Variants in PTPRT observed in about 807,000 individuals in gnomAD.
The protein encoded by PTPRT is receptor-type tyrosine-protein phosphatase T.
Under a neutral mutation model 176.8 loss-of-function variants are expected in PTPRT, and 56 were observed. The observed-to-expected ratio is 0.32, with a 90% confidence interval of 0.26 to 0.40. The LOEUF is 0.40. Ranked by LOEUF, PTPRT falls within the 10% of genes least tolerant of loss-of-function variation. The pLI is 1.00. For missense variants in PTPRT, 1,540 were observed against 1,908.2 expected, an observed-to-expected ratio of 0.81 and a Z score of 3.60; for synonymous variants, 783 against 739.0, an observed-to-expected ratio of 1.06 and a Z score of -0.96.
intron 1 of PTPRT, among the ~76,000 whole-genome samples, chr20:43,058,990 C>T (rs1038850076): frequency 4.6e-5 from 7 of 152,028 alleles, no homozygotes; most frequent in Non-Finnish European, 1.0e-4. Context: ...TGTGAGGTGG[C>T]GCCAGGTAGG....
intron 7 of PTPRT, among the ~76,000 whole-genome samples, chr20:42,655,851 G>A (rs1317661634): frequency 1.3e-5 from 2 of 152,202 alleles, no homozygotes; most frequent in Non-Finnish European, 2.9e-5. Context: ...AAACAGGTAG[G>A]AAAAGTAGTC....
At chr20:42,238,883 G>T (rs1015827991) in intron 14 of PTPRT, among the ~76,000 whole-genome samples, 6 of 152,070 alleles carry the variant, frequency 3.9e-5, no homozygotes, top group African/African-American at 1.4e-4. Flanking sequence ...ACAGCCCTGA[G>T]TCCCAGTTTC....
intron 6 of PTPRT, among the ~76,000 whole-genome samples, chr20:42,752,969 G>C (rs1337474974): frequency 2.0e-5 from 3 of 152,142 alleles, no homozygotes; most frequent in Non-Finnish European, 4.4e-5. Flanking sequence ...CTTTAGCAGT[G>C]TGTTTGGGGT....
chr20:42,420,022 G>A (rs1401197079), intron 9 of PTPRT, among the ~76,000 whole-genome samples: 1 of 152,142 alleles, frequency 6.6e-6, no homozygotes, highest in South Asian at 2.1e-4. Context: ...CTTCGGAGGG[G>A]GTGGGGACCT....
chr20:42,807,429 C>T (rs2077627124), intron 2 of PTPRT, among the ~76,000 whole-genome samples: 1 of 152,120 alleles, frequency 6.6e-6, no homozygotes, highest in African/African-American at 2.4e-5. Context: ...CCCAAAGTCT[C>T]TTAAGGTTAT....
chr20:42,321,094 AT>A (rs1365588920), intron 11 of PTPRT, among the ~76,000 whole-genome samples: 2 of 152,158 alleles, frequency 1.3e-5, no homozygotes, highest in Non-Finnish European at 2.9e-5. Flanking sequence ...TATCAAGGTA[AT>A]TTTCAAACTT....
intron 7 of PTPRT, among the ~76,000 whole-genome samples, chr20:42,566,895 TAA>T (rs2073048594): frequency 6.6e-6 from 1 of 152,216 alleles, no homozygotes; most frequent in Admixed American, 6.5e-5. Flanking sequence ...TAAAACTGAA[TAA>T]AGAGTAGATG....
chr20:42,087,930 T>C (rs1252423633), intron 27 of PTPRT, among the ~76,000 whole-genome samples: 1 of 150,956 alleles, frequency 6.6e-6, no homozygotes. Context: ...TCTTGTTTCT[T>C]GTATCTTTGT....
At chr20:42,932,950 C>T (rs1979956547) in intron 1 of PTPRT, among the ~76,000 whole-genome samples, 1 of 152,184 alleles carries the variant, frequency 6.6e-6, no homozygotes. Flanking sequence ...AGCCTGCCCT[C>T]ATTCTCACCT....
chr20:42,919,207 T>C lies in PTPRT; in HGVS notation c.89-33275A>G, dbSNP rs115537341. 3.1e-3 allele frequency among the ~76,000 whole-genome samples: 476 copies of C among 152,268 alleles called. 4 individuals are homozygous for C. The highest frequency in any genetic ancestry group is 0.01 in the African/African-American group (421 of 41,542). On this transcript the variant is annotated intron_variant, in intron 1 of 30. Transcript: ENST00000373187. ...CATAAAGGGACACCCATTTATTTGG[T>C]CGGGCAGCTGGGAATTTTAATGGAA...
chr20:42,652,976 G>C (rs968858875), intron 7 of PTPRT, among the ~76,000 whole-genome samples: 15 of 152,168 alleles, frequency 9.9e-5, no homozygotes, highest in African/African-American at 2.7e-4. Context: ...GTGAAGTCCT[G>C]TGCTCTGTAC....
At chr20:42,507,712 T>C (rs2071872321) in intron 7 of PTPRT, among the ~76,000 whole-genome samples, 1 of 152,050 alleles carries the variant, frequency 6.6e-6, no homozygotes, top group Non-Finnish European at 1.5e-5. Flanking sequence ...ATAGAGGGAA[T>C]TGGTAGGAAA....
At chr20:43,121,213 G>T (rs1372899385) in intron 1 of PTPRT, among the ~76,000 whole-genome samples, 2 of 152,156 alleles carry the variant, frequency 1.3e-5, no homozygotes, top group African/African-American at 4.8e-5. Context: ...TTGCTGGATG[G>T]TATTTCTTTG....
At chr20:42,553,759 G>A (rs2072811703) in intron 7 of PTPRT, among the ~76,000 whole-genome samples, 1 of 152,080 alleles carries the variant, frequency 6.6e-6, no homozygotes, top group Non-Finnish European at 1.5e-5. Flanking sequence ...TCCAGTCACG[G>A]GGCAGCCAGG....
intron 7 of PTPRT, among the ~76,000 whole-genome samples, chr20:42,517,295 G>A (rs2145482228): frequency 6.6e-6 from 1 of 151,820 alleles, no homozygotes; most frequent in South Asian, 2.1e-4. Flanking sequence ...TAATTCTTTA[G>A]GGTAATTAGC....
At chr20:42,499,307 T>G (rs1257149641) in intron 7 of PTPRT, among the ~76,000 whole-genome samples, 1 of 152,180 alleles carries the variant, frequency 6.6e-6, no homozygotes, top group East Asian at 1.9e-4. Context: ...TTTTTTTTTT[T>G]TGAGACAGAG....
chr20:42,086,753 A>AAAAAAATATATATATATATATAT (rs1983991312), intron 27 of PTPRT, among the ~76,000 whole-genome samples: 2 of 95,540 alleles, frequency 2.1e-5, no homozygotes, highest in African/African-American at 9.8e-5. Context: ...AAAAAAAAAA[A>AAAAAAATATATATATATATATAT]ATATATATAT....
intron 13 of PTPRT, among the ~76,000 whole-genome samples, chr20:42,280,335 G>GT (rs1440790618): frequency 6.6e-6 from 1 of 152,168 alleles, no homozygotes; most frequent in Non-Finnish European, 1.5e-5. Context: ...CTTATCTGAT[G>GT]TGGTGAGAGG....
intron 13 of PTPRT, among the ~76,000 whole-genome samples, chr20:42,281,493 T>C (rs540293478): frequency 6.6e-6 from 1 of 152,310 alleles, no homozygotes; most frequent in South Asian, 2.1e-4. Flanking sequence ...CAAGTAGCTG[T>C]AGATTTTTTT....
Sources: allele counts gnomAD v4.1 joint callset (sites outside exome capture counted in the v4.1 genomes callset), GRCh38; gene constraint gnomAD v4.1.1; transcripts MANE v1.5; gene names NCBI Gene and HGNC (gene_info 2026-07-23, HGNC 2026-07-21).